Variants in DLG2 observed in about 807,000 individuals in gnomAD.
The protein encoded by DLG2 is discs large MAGUK scaffold protein 2.
Under a neutral mutation model 132.5 loss-of-function variants are expected in DLG2, and 45 were observed. The observed-to-expected ratio is 0.34, with a 90% CI of 0.27 to 0.44. The LOEUF is 0.44. Ranked by LOEUF, DLG2 falls within the 20% of genes least tolerant of loss-of-function variation. DLG2 has a pLI of 1.00. For synonymous variants in DLG2, 424 were observed against 419.6 expected (o/e 1.01, Z -0.13); for missense variants, 1,045 against 1,196.9 (o/e 0.87, Z 1.87).
At chr11:84,760,728 A>G (rs2067503763) in intron 6 of DLG2, among the ~76,000 whole-genome samples, 1 of 152,198 alleles carries the variant, frequency 6.6e-6, no homozygotes, top group African/African-American at 2.4e-5. Flanking sequence ...GTATATACTA[A>G]TATGAACAGG....
At chr11:84,010,853 G>T (rs528724681) in intron 11 of DLG2, among the ~76,000 whole-genome samples, 1 of 151,972 alleles carries the variant, frequency 6.6e-6, no homozygotes, top group African/African-American at 2.4e-5. Context: ...GTCTCGAGTC[G>T]ATCAATTAAT....
intron 4 of DLG2, among the ~76,000 whole-genome samples, chr11:85,210,225 G>A (rs945099619): frequency 6.6e-6 from 1 of 152,092 alleles, no homozygotes; most frequent in Non-Finnish European, 1.5e-5. Context: ...GTAGTGCTTA[G>A]GATATAGGAG....
At chr11:83,881,498 G>A (rs2066257875) in intron 15 of DLG2, among the ~76,000 whole-genome samples, 1 of 152,054 alleles carries the variant, frequency 6.6e-6, no homozygotes, top group African/African-American at 2.4e-5. Flanking sequence ...ATTTCATCTA[G>A]CTTTATATCA....
chr11:84,323,098 T>A (rs1039338083), intron 7 of DLG2, among the ~76,000 whole-genome samples: 8 of 152,120 alleles, frequency 5.3e-5, no homozygotes, highest in Admixed American at 4.6e-4. Context: ...AAGTGTCCAA[T>A]ATAGTGCTTT....
At chr11:84,253,269 G>T (rs1407821078) in intron 7 of DLG2, among the ~76,000 whole-genome samples, 3 of 152,122 alleles carry the variant, frequency 2.0e-5, no homozygotes, top group African/African-American at 7.2e-5. Context: ...CTTTCTGATT[G>T]TATGATTTGG....
chr11:84,154,352 T>C (rs999267421), intron 9 of DLG2, among the ~76,000 whole-genome samples: 18 of 152,218 alleles, frequency 1.2e-4, no homozygotes, highest in African/African-American at 4.1e-4. Flanking sequence ...ATTGAAATCA[T>C]ATAAAGATAC....
chr11:85,067,933 C>T lies in DLG2; in HGVS notation c.357+43728G>A, dbSNP rs182550604. 2.0e-5 allele frequency among the ~76,000 whole-genome samples: 3 copies of T among 152,114 alleles called. No individual in the cohort carries two copies. The East Asian group carries it at 5.8e-4, about 30-fold the overall frequency. On this transcript the variant is annotated intron_variant, in intron 6 of 27. Coordinates refer to ENST00000376104, the MANE Select transcript of DLG2 (RefSeq NM_001142699.3). ...TACTGGCAAACCGAATATAGCAGCA[C>T]ATCAAAAAGCTTATCCACCATGATC...
intron 2 of DLG2, among the ~76,000 whole-genome samples, chr11:85,603,078 G>A (rs868487439): frequency 2.0e-5 from 3 of 152,238 alleles, no homozygotes; most frequent in Middle Eastern, 3.4e-3. Flanking sequence ...AATAAATGTG[G>A]ATGAACAGAG....
intron 18 of DLG2, among the ~76,000 whole-genome samples, chr11:83,735,682 C>G (rs1460030761): frequency 6.6e-6 from 1 of 152,216 alleles, no homozygotes; most frequent in African/African-American, 2.4e-5. Context: ...ATTCTTCCCA[C>G]ACGTACATTT....
At chr11:84,183,067 A>T (rs1184797598) in intron 8 of DLG2, among the ~76,000 whole-genome samples, 2 of 152,186 alleles carry the variant, frequency 1.3e-5, no homozygotes, top group African/African-American at 2.4e-5. Context: ...GAATAGGCTT[A>T]TATCTATTGA....
chr11:85,313,457 C>T (rs117572679), intron 3 of DLG2, among the ~76,000 whole-genome samples: 94 of 152,122 alleles, frequency 6.2e-4, no homozygotes, highest in Non-Finnish European at 1.1e-3. Context: ...GATAGATCAA[C>T]TTACACAGAT....
intron 16 of DLG2, among the ~76,000 whole-genome samples, chr11:83,870,375 G>A (rs2063206730): frequency 6.6e-6 from 1 of 152,162 alleles, no homozygotes. Flanking sequence ...TCGTCTTTCT[G>A]TTTCTGATTG....
chr11:85,548,908 G>T (rs1051702966), intron 3 of DLG2, among the ~76,000 whole-genome samples: 1 of 152,148 alleles, frequency 6.6e-6, no homozygotes, highest in African/African-American at 2.4e-5. Flanking sequence ...CAAGCCAGTG[G>T]ATCTTAGCTT....
intron 6 of DLG2, among the ~76,000 whole-genome samples, chr11:84,876,154 A>G (rs2086311161): frequency 6.6e-6 from 1 of 152,208 alleles, no homozygotes; most frequent in Non-Finnish European, 1.5e-5. Context: ...AACTTACCCA[A>G]GAACGCACAG....
intron 5 of DLG2, among the ~76,000 whole-genome samples, chr11:85,125,352 G>A (rs1180739977): frequency 6.6e-6 from 1 of 152,092 alleles, no homozygotes; most frequent in African/African-American, 2.4e-5. Flanking sequence ...TGTTTGGAGG[G>A]AAAACCATTT....
At chr11:83,987,838 A>G (rs1274073910) in intron 11 of DLG2, among the ~76,000 whole-genome samples, 1 of 152,068 alleles carries the variant, frequency 6.6e-6, no homozygotes, top group Admixed American at 6.6e-5. Flanking sequence ...GTGTGAGGTG[A>G]TATCTCATTT....
chr11:83,473,450 C>G, intron 22 of DLG2, among the ~76,000 whole-genome samples: 1 of 152,098 alleles, frequency 6.6e-6, no homozygotes, highest in East Asian at 1.9e-4. Flanking sequence ...TGCTACAAGC[C>G]TTCTGACTCA....
intron 14 of DLG2, among the ~76,000 whole-genome samples, chr11:83,942,320 T>G (rs1477010146): frequency 6.6e-6 from 1 of 151,438 alleles, no homozygotes; most frequent in Admixed American, 6.6e-5. Context: ...CACCATATTA[T>G]TAAGTGAAAA....
At chr11:83,794,437 G>GTTTTTTTTTTTTTTTTTTTTT (rs200672667) in intron 17 of DLG2, among the ~76,000 whole-genome samples, 1 of 127,496 alleles carries the variant, frequency 7.8e-6, no homozygotes, top group Non-Finnish European at 1.7e-5. Context: ...TTTACTATTG[G>GTTTTTTTTTTTTTTTTTTTTT]TTTTTTTTTT....
Sources: gnomAD v4.1 joint callset for allele counts (sites outside exome capture counted in the v4.1 genomes callset) on GRCh38, gnomAD v4.1.1 for gene constraint, MANE v1.5 for transcripts, NCBI Gene and HGNC (gene_info 2026-07-23, HGNC 2026-07-21) for gene names.